SYNPO2: variants seen among roughly 807,000 people sequenced by gnomAD.
The protein encoded by SYNPO2 is synaptopodin 2.
SYNPO2 carries 56 observed loss-of-function variants against 85.0 expected under a neutral mutation model. The observed-to-expected ratio is 0.66, with a 90% CI of 0.53 to 0.82. The LOEUF is 0.82. Among genes scored for constraint, SYNPO2 ranks in the 40% least tolerant of loss-of-function variants. The pLI is 0.00. For missense variants in SYNPO2, 1,575 were observed against 1,534.2 expected (o/e 1.03, Z -0.44); for synonymous variants, 602 against 591.1 (o/e 1.02, Z -0.27).
chr4:118,986,292 A>G (rs894812530), intron 1 of SYNPO2, among the ~76,000 whole-genome samples: 1 of 152,240 alleles, frequency 6.6e-6, no homozygotes, highest in African/African-American at 2.4e-5. Flanking sequence ...GTCACAGTGG[A>G]AACTGTAACC....
At chr4:118,936,660 G>A (rs908441007) in intron 1 of SYNPO2, among the ~76,000 whole-genome samples, 14 of 151,988 alleles carry the variant, frequency 9.2e-5, no homozygotes, top group Admixed American at 6.6e-4. Flanking sequence ...GTTCTATGGG[G>A]GTAGACAGCT....
intron 1 of SYNPO2, among the ~76,000 whole-genome samples, chr4:118,955,919 A>G (rs892266842): frequency 1.3e-5 from 2 of 152,202 alleles, no homozygotes; most frequent in Non-Finnish European, 2.9e-5. Flanking sequence ...AAGTTGGTGC[A>G]TTTTTCAAGA....
In SYNPO2 at chr4:119,026,631, T is replaced by TC. The variant is rs1737954030; in HGVS notation, c.264dup (p.Ser89GlnfsTer5). ...GAATGATTTTTCTGTGTGCAGACCA[T>TC]CCAGTGGAATAAGTGAGGCTTTGAT... On this transcript the variant is annotated frameshift_variant, in exon 3 of 5. Coordinates refer to ENST00000307142, the MANE Select transcript of SYNPO2 (RefSeq NM_133477.3). LOFTEE classifies it high-confidence loss of function. 1 of 1,599,396 alleles carries TC rather than the reference T, an allele frequency of 6.3e-7. No homozygotes were observed. The highest frequency in any genetic ancestry group is 8.5e-7 in the Non-Finnish European group (1 of 1,173,210).
chr4:118,917,832 A>G (rs956722646), intron 1 of SYNPO2, among the ~76,000 whole-genome samples: 4 of 152,204 alleles, frequency 2.6e-5, no homozygotes, highest in Non-Finnish European at 1.5e-5. Context: ...GACACTGATA[A>G]AAAAGATTTG....
intron 1 of SYNPO2, among the ~76,000 whole-genome samples, chr4:118,856,630 C>T (rs1731511385): frequency 6.6e-6 from 1 of 152,100 alleles, no homozygotes; most frequent in African/African-American, 2.4e-5. Flanking sequence ...CCTTCCACCT[C>T]TGCCTCCTGA....
chr4:119,002,002 T>C (rs1209310098), intron 1 of SYNPO2, among the ~76,000 whole-genome samples: 1 of 152,178 alleles, frequency 6.6e-6, no homozygotes, highest in African/African-American at 2.4e-5. Context: ...GCTCATATGA[T>C]TACCTAGTGC....
At chr4:118,897,501 G>A (rs1732588202) in intron 1 of SYNPO2, among the ~76,000 whole-genome samples, 2 of 151,932 alleles carry the variant, frequency 1.3e-5, no homozygotes, top group Admixed American at 1.3e-4. Flanking sequence ...TTTATCCTAG[G>A]AAATCTGTAA....
chr4:118,995,438 C>T (rs1736551985), intron 1 of SYNPO2, among the ~76,000 whole-genome samples: 1 of 151,948 alleles, frequency 6.6e-6, no homozygotes, highest in African/African-American at 2.4e-5. Flanking sequence ...TCTGTTATTC[C>T]TCTCAAAAAC....
chr4:119,053,842 A>T (rs1398802553), intron 4 of SYNPO2, among the ~76,000 whole-genome samples: 2 of 152,058 alleles, frequency 1.3e-5, no homozygotes, highest in African/African-American at 4.8e-5. Flanking sequence ...AAGTATATTG[A>T]TAATTATTTC....
chr4:119,003,132 A>G (rs2149174084), intron 1 of SYNPO2, among the ~76,000 whole-genome samples: 1 of 152,270 alleles, frequency 6.6e-6, no homozygotes, highest in East Asian at 1.9e-4. Context: ...AATACCCAAG[A>G]CTGGGTAATT....
At chr4:119,048,681 A>C (rs1284799745) in intron 4 of SYNPO2, among the ~76,000 whole-genome samples, 1 of 152,308 alleles carries the variant, frequency 6.6e-6, no homozygotes, top group Non-Finnish European at 1.5e-5. Flanking sequence ...AAGTACAAAA[A>C]TCCAGAGGAT....
intron 1 of SYNPO2, among the ~76,000 whole-genome samples, chr4:118,864,686 C>T (rs1731671701): frequency 6.6e-6 from 1 of 152,178 alleles, no homozygotes. Context: ...ACCCCTTTAT[C>T]ATTATATAGT....
chr4:119,007,261 T>TAC (rs1553945965), intron 1 of SYNPO2, among the ~76,000 whole-genome samples: 5 of 29,370 alleles, frequency 1.7e-4, no homozygotes, highest in Admixed American at 3.3e-4. Context: ...TACATATATA[T>TAC]ATATATATAT....
Position 118,911,823 on chromosome 4 carries a change from C to G in SYNPO2, c.105+22682C>G, listed in dbSNP as rs1186646308. On this transcript the variant is annotated intron_variant, in intron 1 of 4. Transcript: ENST00000307142. ...TCCCATTTTCATTCAGCAACTCCCC[C>G]CCTCCAATCCCACAATAGAGCTAAA... Among the ~76,000 whole-genome samples, 8 of 152,132 alleles carry G rather than the reference C, an allele frequency of 5.3e-5. No homozygotes were observed. In the South Asian group the frequency reaches 8.3e-4, roughly 16 times the overall value.
chr4:118,994,633 A>G (rs962037520), intron 1 of SYNPO2, among the ~76,000 whole-genome samples: 3 of 152,234 alleles, frequency 2.0e-5, no homozygotes, highest in Admixed American at 1.3e-4. Flanking sequence ...CTAGCATTTT[A>G]TCATCTAGAA....
At chr4:118,895,423 T>C (rs1732520159) in intron 1 of SYNPO2, among the ~76,000 whole-genome samples, 1 of 152,230 alleles carries the variant, frequency 6.6e-6, no homozygotes, top group Non-Finnish European at 1.5e-5. Context: ...TTGTGCTTCT[T>C]TGGTTAATGT....
chr4:119,054,708 G>A (rs1284448224), intron 4 of SYNPO2, among the ~76,000 whole-genome samples: 4 of 152,096 alleles, frequency 2.6e-5, no homozygotes, highest in Non-Finnish European at 1.5e-5. Flanking sequence ...TTTGGAAAAA[G>A]CAACATTCCA....
intron 1 of SYNPO2, among the ~76,000 whole-genome samples, chr4:118,923,048 A>G (rs898126794): frequency 2.6e-5 from 4 of 152,166 alleles, no homozygotes; most frequent in Admixed American, 6.5e-5. Context: ...GGTTTCTTGC[A>G]TATATTTTGG....
At chr4:118,918,481 C>T (rs1733429626) in intron 1 of SYNPO2, among the ~76,000 whole-genome samples, 1 of 152,060 alleles carries the variant, frequency 6.6e-6, no homozygotes, top group South Asian at 2.1e-4. Flanking sequence ...TCACTAGAAA[C>T]AGGTTTGATT....
Sources: allele counts gnomAD v4.1 joint callset (sites outside exome capture counted in the v4.1 genomes callset), GRCh38; gene constraint gnomAD v4.1.1; transcripts MANE v1.5; gene names NCBI Gene and HGNC (gene_info 2026-07-23, HGNC 2026-07-21).